Variants in ABHD12 observed in about 807,000 individuals in gnomAD.
The protein encoded by ABHD12 is abhydrolase domain containing 12, lysophospholipase, also known as lysophosphatidylserine lipase ABHD12.
ABHD12 carries 43 observed loss-of-function variants against 58.3 expected under a neutral mutation model. That is an observed-to-expected ratio of 0.74 (90% CI 0.58 to 0.95). The LOEUF (loss-of-function observed/expected upper bound fraction) is 0.95, where lower values mean the gene tolerates loss of function less well. Among genes scored for constraint, ABHD12 ranks in the 40% least tolerant of loss-of-function variants. ABHD12 has a pLI of 0.00. For synonymous variants in ABHD12, 219 were observed against 211.2 expected (o/e 1.04, Z -0.32); for missense variants, 539 against 537.2 (o/e 1.00, Z -0.03).
downstream of ABHD12, chr20:25,300,136 C>CT: frequency 1.1e-6 from 1 of 950,348 alleles, no homozygotes. Context: ...TCCAAAGCGG[C>CT]TAGAGGCTAG....
intron 12 of ABHD12, among the ~76,000 whole-genome samples, chr20:25,301,499 C>T (rs2088634797): frequency 6.6e-6 from 1 of 152,238 alleles, no homozygotes; most frequent in South Asian, 2.1e-4. Flanking sequence ...GTCGAAGTAC[C>T]ACATGCCCTC....
intron 6 of ABHD12, among the ~76,000 whole-genome samples, chr20:25,312,569 T>C (rs1461011602): frequency 1.3e-5 from 2 of 152,172 alleles, no homozygotes; most frequent in Non-Finnish European, 2.9e-5. Flanking sequence ...CCTCCCAAAG[T>C]GCCGAGATTG....
intron 9 of ABHD12, among the ~76,000 whole-genome samples, chr20:25,307,237 G>A (rs1158270209): frequency 1.3e-5 from 2 of 152,196 alleles, no homozygotes; most frequent in East Asian, 1.9e-4. Context: ...CAGTCTTCCC[G>A]CAGACACCAG....
chr20:25,359,609 G>A (rs934524971), intron 1 of ABHD12, among the ~76,000 whole-genome samples: 2 of 151,540 alleles, frequency 1.3e-5, no homozygotes, highest in African/African-American at 2.4e-5. Context: ...TTGCTCTGTC[G>A]CCCAGACTGG....
In ABHD12 at chr20:25,317,064, C is replaced by A; in HGVS notation, c.557G>T (p.Arg186Leu). The A allele has an allele frequency of 6.2e-7, 1 of 1,612,594 alleles. No homozygotes were observed. Among genetic ancestry groups the A allele is most frequent in the Non-Finnish European group, 8.5e-7 (1 of 1,179,372 alleles). Residue 186 changes from arginine to leucine, a missense_variant, in exon 5 of 13, where the codon CGC (arginine) becomes CTC (leucine). Transcript: ENST00000339157. ...GNAGTRGGDH[R>L]VELYKVLSSL... ...TGCACTCACCTTGTAAAGCTCCACGCGGTGGTCGCCTCCTCTGGAGAAGAA... is the reference window on the plus strand; with the variant it reads ...TGCACTCACCTTGTAAAGCTCCACGAGGTGGTCGCCTCCTCTGGAGAAGAA...
intron 1 of ABHD12, among the ~76,000 whole-genome samples, chr20:25,382,942 G>A (rs2482942): frequency 0.027 from 4,126 of 152,260 alleles, 181 homozygotes; most frequent in African/African-American, 0.09. Context: ...CCAGTTGAGG[G>A]GGGGGGCCAG....
chr20:25,338,959 C>T (rs1218317792), intron 2 of ABHD12: 1 of 1,236,168 alleles, frequency 8.1e-7, no homozygotes. Flanking sequence ...TGCTGGGGAG[C>T]AACACTAGCA....
intron 4 of ABHD12, 24 bp downstream of exon 4, chr20:25,320,175 A>T: frequency 6.2e-7 from 1 of 1,613,320 alleles, no homozygotes; most frequent in South Asian, 1.1e-5. Flanking sequence ...TCCACAGCAA[A>T]GATGATGGGC....
At chr20:25,295,212 AATGGAG>A (rs2088521563), downstream of ABHD12, among the ~76,000 whole-genome samples, 1 of 152,254 alleles carries the variant, frequency 6.6e-6, no homozygotes, top group Non-Finnish European at 1.5e-5. Context: ...TAAGACGGCA[AATGGAG>A]ATGCCGTTCC....
At chr20:25,382,483 C>T (rs1221112669) in intron 1 of ABHD12, among the ~76,000 whole-genome samples, 4 of 152,096 alleles carry the variant, frequency 2.6e-5, no homozygotes, top group Non-Finnish European at 4.4e-5. Flanking sequence ...TTTCAATAAA[C>T]ATTTTCCCTG....
At chr20:25,386,249 ATTTC>A (rs2090088786) in intron 1 of ABHD12, among the ~76,000 whole-genome samples, 4 of 150,582 alleles carry the variant, frequency 2.7e-5, no homozygotes, top group African/African-American at 9.7e-5. Context: ...ATGATGTAAA[ATTTC>A]TTTTTCTTTC....
chr20:25,314,841 G>A, intron 6 of ABHD12, 84 bp downstream of exon 6: 1 of 1,481,714 alleles, frequency 6.7e-7, no homozygotes, highest in East Asian at 2.3e-5. Flanking sequence ...CTTGCTCCGA[G>A]CCTCTTCGAG....
intron 11 of ABHD12, 119 bp downstream of exon 11, chr20:25,303,431 C>T: frequency 6.5e-7 from 1 of 1,534,558 alleles, no homozygotes. Context: ...GGCTGGTGCG[C>T]AGCCCGTGAT....
In ABHD12 at chr20:25,349,558, T is replaced by C. The variant is rs556968082; in HGVS notation, c.192-10207A>G. ...TGGATACACATGCAATGGAGTATTA[T>C]GTAGCCATAAAAAGAATGAAATTTG... On this transcript the variant is annotated intron_variant, in intron 1 of 12. Coordinates refer to ENST00000339157, the MANE Select transcript of ABHD12 (RefSeq NM_001042472.3). Among the ~76,000 whole-genome samples, 20 of 152,372 alleles carry C rather than the reference T, an allele frequency of 1.3e-4. No individual in the cohort carries two copies. The South Asian group carries it at 3.7e-3, about 28-fold the overall frequency.
chr20:25,331,367 T>C (rs1203091139), intron 2 of ABHD12, among the ~76,000 whole-genome samples: 1 of 152,168 alleles, frequency 6.6e-6, no homozygotes, highest in African/African-American at 2.4e-5. Flanking sequence ...TGGAACCAAG[T>C]TGGAAAACAC....
chr20:25,329,735 C>T (rs1359457038), intron 2 of ABHD12, among the ~76,000 whole-genome samples: 1 of 152,156 alleles, frequency 6.6e-6, no homozygotes, highest in Non-Finnish European at 1.5e-5. Context: ...AGCCTTGATA[C>T]CGGCAGCCAT....
At chr20:25,381,088 G>A (rs554652100) in intron 1 of ABHD12, among the ~76,000 whole-genome samples, 1 of 152,126 alleles carries the variant, frequency 6.6e-6, no homozygotes, top group South Asian at 2.1e-4. Flanking sequence ...CCCCTAGCCG[G>A]TCTCCCTGCT....
rs911929053 is a variant in ABHD12, at chr20:25,331,002, G to A, written c.317-7572C>T. Among the ~76,000 whole-genome samples, 17 of 152,180 alleles carry A rather than the reference G, an allele frequency of 1.1e-4. 1 individual carries two copies. Among genetic ancestry groups the A allele is most frequent in the Non-Finnish European group, 2.4e-4 (16 of 68,020 alleles). ...TAGCTGAGAGAAGAAGGCTTCAGACGATCAAATTACTCCAAGCTACGGGAG... is the reference window on the plus strand; with the variant it reads ...TAGCTGAGAGAAGAAGGCTTCAGACAATCAAATTACTCCAAGCTACGGGAG... On this transcript the variant is annotated intron_variant, in intron 2 of 12. Coordinates refer to ENST00000339157, the MANE Select transcript of ABHD12 (RefSeq NM_001042472.3).
In ABHD12 at chr20:25,303,582, C is replaced by T. The variant is rs1247492757; in HGVS notation, c.997G>A (p.Asp333Asn). Residue 333 changes from aspartate (D) to asparagine (N), a missense_variant, in exon 11 of 13, where the codon GAC becomes AAC. Physicochemically the swap from Asp to Asn is conservative, Grantham distance 23. Coordinates refer to ENST00000339157, the MANE Select transcript of ABHD12 (RefSeq NM_001042472.3). Reference sequence around the variant, plus strand: ...CCAAGCTGGAAGGGCACCACCGGGTCGTCCTCAGCGTGCAGGATGAGCAGG... The same window carrying T: ...CCAAGCTGGAAGGGCACCACCGGGTTGTCCTCAGCGTGCAGGATGAGCAGG... ...CPLLILHAED[D>N]PVVPFQLGRK... The T allele has an allele frequency of 3.1e-6, 5 of 1,613,682 alleles. No homozygotes were observed. The highest frequency in any genetic ancestry group is 1.1e-5 in the South Asian group (1 of 91,050).
Sources: gnomAD v4.1 joint callset for allele counts (sites outside exome capture counted in the v4.1 genomes callset) on GRCh38, gnomAD v4.1.1 for gene constraint, MANE v1.5 for transcripts, NCBI Gene and HGNC (gene_info 2026-07-23, HGNC 2026-07-21) for gene names.